Variants in MACROH2A1 observed in about 807,000 individuals in gnomAD.
MACROH2A1 encodes core histone macro-H2A.1.
Under a neutral mutation model 31.6 loss-of-function variants are expected in MACROH2A1, and 2 were observed. That is an observed-to-expected ratio of 0.06 (90% confidence interval 0.03 to 0.20). The LOEUF (loss-of-function observed/expected upper bound fraction) is 0.20, where lower values mean the gene tolerates loss of function less well. Among genes scored for constraint, MACROH2A1 ranks in the 10% least tolerant of loss-of-function variants. The pLI is 1.00. For missense variants in MACROH2A1, 230 were observed against 474.0 expected (o/e 0.49, Z 4.78); for synonymous variants, 169 against 189.6 (o/e 0.89, Z 0.89).
chr5:135,340,163 C>T (rs1759561298), intron 8 of MACROH2A1, among the ~76,000 whole-genome samples: 1 of 152,112 alleles, frequency 6.6e-6, no homozygotes, highest in Non-Finnish European at 1.5e-5. Context: ...CCTAACAGCT[C>T]TGAAGCGAAG....
At chr5:135,384,607 G>A (rs185911567) in intron 2 of MACROH2A1, among the ~76,000 whole-genome samples, 1 of 152,290 alleles carries the variant, frequency 6.6e-6, no homozygotes, top group Admixed American at 6.5e-5. Flanking sequence ...GGTGCCTTTT[G>A]GAGGAGTGTG....
At chr5:135,392,161 C>T (rs2088024717) in intron 1 of MACROH2A1, among the ~76,000 whole-genome samples, 1 of 152,212 alleles carries the variant, frequency 6.6e-6, no homozygotes, top group Admixed American at 6.5e-5. Context: ...GCCATGGAGG[C>T]TTTGTGGACA....
chr5:135,366,083 T>C (rs1441525266), intron 4 of MACROH2A1, among the ~76,000 whole-genome samples: 1 of 152,246 alleles, frequency 6.6e-6, no homozygotes, highest in Non-Finnish European at 1.5e-5. Context: ...TTTCCACTGC[T>C]TGCTCCTGTC....
At chr5:135,371,286 T>A (rs1211953359) in intron 2 of MACROH2A1, among the ~76,000 whole-genome samples, 1 of 152,256 alleles carries the variant, frequency 6.6e-6, no homozygotes, top group Admixed American at 6.5e-5. Context: ...TGCAGAATAG[T>A]AACTATAGTT....
At chr5:135,379,318 C>G (rs1246320332) in intron 2 of MACROH2A1, among the ~76,000 whole-genome samples, 1 of 152,122 alleles carries the variant, frequency 6.6e-6, no homozygotes, top group Non-Finnish European at 1.5e-5. Context: ...CATGTTCTAG[C>G]CACTAAATGG....
Position 135,389,110 on chromosome 5 carries a change from G to A in MACROH2A1, c.-17C>T. ...GCTCGACATGGCGGTGGCCCTGGAG[G>A]CGGATCAGTGAGCACACTGTGAAGG... On this transcript the variant is annotated 5_prime_UTR_variant, in exon 2 of 9. Transcript: ENST00000511689. 1 of 1,609,918 alleles carries A rather than the reference G, an allele frequency of 6.2e-7. No homozygotes were observed. The highest frequency in any genetic ancestry group is 1.1e-5 in the South Asian group (1 of 90,778).
intron 2 of MACROH2A1, among the ~76,000 whole-genome samples, chr5:135,374,641 T>C (rs1354352011): frequency 6.6e-6 from 1 of 152,202 alleles, no homozygotes; most frequent in East Asian, 1.9e-4. Flanking sequence ...ACTCAATTCA[T>C]TTCATGTTTT....
At chr5:135,340,730 G>A (rs1009060325) in intron 8 of MACROH2A1, among the ~76,000 whole-genome samples, 5 of 152,236 alleles carry the variant, frequency 3.3e-5, no homozygotes, top group Non-Finnish European at 5.9e-5. Context: ...TTCCGTGCCA[G>A]AGACACTGGA....
At chr5:135,394,667 T>C (rs1277678212) in intron 1 of MACROH2A1, among the ~76,000 whole-genome samples, 1 of 152,224 alleles carries the variant, frequency 6.6e-6, no homozygotes, top group Non-Finnish European at 1.5e-5. Context: ...TGCCAGTCAC[T>C]CTAGATCCCA....
chr5:135,362,781 T>C (rs1198721464), intron 4 of MACROH2A1: 1 of 152,262 alleles, frequency 6.6e-6, no homozygotes, highest in Non-Finnish European at 1.5e-5. Context: ...TTAATGCTTT[T>C]ATAAAAGTCA....
intron 4 of MACROH2A1, chr5:135,362,560 CCT>C (rs1315263268): frequency 3.2e-4 from 48 of 152,124 alleles, no homozygotes; most frequent in African/African-American, 1.2e-3. Context: ...GATGCTAAGC[CCT>C]GTTTCATTTC....
At chr5:135,354,797 A>G (rs539341816) in intron 5 of MACROH2A1, 10 of 341,286 alleles carry the variant, frequency 2.9e-5, no homozygotes, top group South Asian at 2.3e-4. Flanking sequence ...TTAGTTCTGC[A>G]TTTGGCTCCA....
At chr5:135,393,379 G>A (rs1305450011) in intron 1 of MACROH2A1, among the ~76,000 whole-genome samples, 1 of 152,198 alleles carries the variant, frequency 6.6e-6, no homozygotes, top group African/African-American at 2.4e-5. Flanking sequence ...TATTTACTCA[G>A]AAGAAAAGAG....
chr5:135,352,984 T>C lies in MACROH2A1; in HGVS notation c.650A>G (p.Asn217Ser), dbSNP rs367635783. The change falls in exon 6 of 9, where the codon AAT becomes AGT. Residue 217 changes from asparagine (N) to serine (S), a missense_variant. Asn to Ser is a conservative substitution (Grantham distance 46). Around this residue, in one of 2 missense-constraint regions of MACROH2A1, gnomAD observed 183 missense variants for 319.3 expected, o/e 0.57. Coordinates refer to ENST00000511689, the MANE Select transcript of MACROH2A1 (RefSeq NM_138610.3). ...LAGFEVEAII[N>S]PTNADIDLKD... ...AAGGTCAATGTCAGCATTGGTAGGA[T>C]TGATTATGGCCTCCACCTCAAAGCC... 5 of 1,606,538 alleles carry C rather than the reference T, an allele frequency of 3.1e-6. No homozygotes were observed. The highest frequency in any genetic ancestry group is 2.7e-5 in the African/African-American group (2 of 74,740).
At chr5:135,336,207 G>A (rs534149274) in intron 8 of MACROH2A1, among the ~76,000 whole-genome samples, 21 of 152,324 alleles carry the variant, frequency 1.4e-4, no homozygotes, top group Admixed American at 1.2e-3. Flanking sequence ...ATCTACTGTA[G>A]TACTGCTAGC....
rs73294535 is a variant in MACROH2A1, at chr5:135,387,621, C to T, written c.172+1301G>A. On this transcript the variant is annotated intron_variant, in intron 2 of 8. Transcript: ENST00000511689. Reference sequence around the variant, plus strand: ...CAGGCAATACACAGTGAAAGCATTACGACAGGACAGCAGGATTTGGGTCCC... The same window carrying T: ...CAGGCAATACACAGTGAAAGCATTATGACAGGACAGCAGGATTTGGGTCCC... Among the ~76,000 whole-genome samples, 876 of 152,254 alleles carry T rather than the reference C, an allele frequency of 5.8e-3. 8 individuals carry two copies. Among genetic ancestry groups the T allele is most frequent in the African/African-American group, 0.018 (768 of 41,530 alleles).
At chr5:135,358,969 C>G in intron 5 of MACROH2A1, 1 of 985,404 alleles carries the variant, frequency 1.0e-6, no homozygotes, top group Non-Finnish European at 1.2e-6. Context: ...GGCTAACAAA[C>G]AGAGCCCAGA....
At chr5:135,349,787 CAT>C (rs1195325382) in intron 6 of MACROH2A1, among the ~76,000 whole-genome samples, 4 of 152,336 alleles carry the variant, frequency 2.6e-5, no homozygotes, top group East Asian at 1.9e-4. Flanking sequence ...TATATATACA[CAT>C]GAGTGATACC....
In MACROH2A1 at chr5:135,389,049, C is replaced by T. The variant is rs138663997; in HGVS notation, c.45G>A (p.Arg15=). The T allele has an allele frequency of 6.9e-4, 1,114 of 1,613,950 alleles. 1 individual carries two copies. Among genetic ancestry groups the T allele is most frequent in the Non-Finnish European group, 8.8e-4 (1,043 of 1,179,854 alleles). ...GGKKKSTKTS[R]SAKAGVIFPV... ...GAAAGATGACTCCTGCTTTGGCAGA[C>T]CTGGACGTCTTGGTGGACTTCTTCT... The change falls in exon 2 of 9, where the codon AGG becomes AGA. Residue 15 remains arginine, a synonymous_variant. Coordinates refer to ENST00000511689, the MANE Select transcript of MACROH2A1 (RefSeq NM_138610.3).
Sources: gnomAD v4.1 joint callset for allele counts (sites outside exome capture counted in the v4.1 genomes callset) on GRCh38, gnomAD v4.1.1 for gene constraint, gnomAD v4.1.1 regional missense constraint, MANE v1.5 for transcripts, NCBI Gene and HGNC (gene_info 2026-07-23, HGNC 2026-07-21) for gene names.